Variants in SHOC2 observed in about 807,000 individuals in gnomAD.
SHOC2 encodes the protein SHOC2 leucine rich repeat scaffold protein.
A neutral mutation model predicts 50.2 loss-of-function variants in SHOC2; 4 were observed. That is an observed-to-expected ratio of 0.08 (90% CI 0.04 to 0.18). The LOEUF is 0.18. SHOC2 is among the 10% of genes least tolerant of loss of function. The pLI, the probability that SHOC2 is intolerant of heterozygous loss-of-function variation, is 1.00. For synonymous variants in SHOC2, 218 were observed against 244.5 expected, an observed-to-expected ratio of 0.89 and a Z score of 1.01; for missense variants, 388 against 669.6, an observed-to-expected ratio of 0.58 and a Z score of 4.64.
At chr10:111,000,690 C>G (rs1231299301) in intron 4 of SHOC2, 145 bp downstream of exon 4, 5 of 709,460 alleles carry the variant, frequency 7.0e-6, no homozygotes, top group Admixed American at 6.7e-5. Flanking sequence ...ACCACCACCG[C>G]TGAAGTAACT....
chr10:110,967,820 T>C (rs780793570), intron 2 of SHOC2, among the ~76,000 whole-genome samples: 1 of 152,226 alleles, frequency 6.6e-6, no homozygotes, highest in Non-Finnish European at 1.5e-5. Context: ...TTTTTATTGC[T>C]GAATAATATT....
chr10:111,001,094 T>C (rs1021277169), intron 4 of SHOC2, among the ~76,000 whole-genome samples: 1 of 151,814 alleles, frequency 6.6e-6, no homozygotes, highest in African/African-American at 2.4e-5. Context: ...TAGGTTTTGT[T>C]GATTCTATTA....
intron 8 of SHOC2, 43 bp from the exon 9 acceptor site, chr10:111,011,567 A>G: frequency 7.1e-7 from 1 of 1,416,696 alleles, no homozygotes; most frequent in Non-Finnish European, 9.9e-7. Flanking sequence ...CTTTTAAAAT[A>G]GCAACTAATT....
At chr10:110,943,466 T>G (rs1847189925) in intron 1 of SHOC2, among the ~76,000 whole-genome samples, 1 of 152,218 alleles carries the variant, frequency 6.6e-6, no homozygotes, top group African/African-American at 2.4e-5. Context: ...GGTGAGACAT[T>G]GTCCTTATAC....
chr10:110,970,780 A>G (rs1340635851), intron 2 of SHOC2, among the ~76,000 whole-genome samples: 1 of 148,696 alleles, frequency 6.7e-6, no homozygotes, highest in Non-Finnish European at 1.5e-5. Context: ...TAGGGTTGAG[A>G]TACCTTCTCA....
chr10:111,000,364 G>C, intron 3 of SHOC2, 51 bp from the exon 4 acceptor site: 1 of 1,585,506 alleles, frequency 6.3e-7, no homozygotes, highest in Middle Eastern at 1.7e-4. Context: ...ACAGTGAGAG[G>C]CTCATCAGAT....
At chr10:110,951,851 T>G (rs372620446) in intron 1 of SHOC2, 1 of 152,208 alleles carries the variant, frequency 6.6e-6, no homozygotes, top group East Asian at 1.9e-4. Flanking sequence ...AGAGGTGGGA[T>G]TTCACCATGT....
Position 110,964,239 on chromosome 10 carries a change from T to C in SHOC2, c.-120T>C. 6.8e-7 allele frequency: 1 copy of C among 1,466,906 alleles called. No individual in the cohort carries two copies. The highest frequency in any genetic ancestry group is 1.3e-5 in the South Asian group (1 of 77,326). 90.9% of individuals were successfully genotyped at this position (1,466,906 alleles called of 1,614,324 possible). A position where few individuals can be genotyped will look rare whatever the true frequency, so the allele number is the denominator to read the frequency against. ...GTAACAGATGGATGTTACTCCATGC[T>C]GATTACTTCTTCAAGCCAGTACTTT... On this transcript the variant is annotated 5_prime_UTR_variant, in exon 2 of 9. The change abolishes the stop of an existing upstream ORF in the 5' untranslated region. Coordinates refer to ENST00000369452, the MANE Select transcript of SHOC2 (RefSeq NM_007373.4). The surrounding 1 kb of genome is among the most constrained non-coding windows in gnomAD (Gnocchi z 4.9).
intron 1 of SHOC2, among the ~76,000 whole-genome samples, chr10:110,935,821 C>T (rs547517672): frequency 6.6e-6 from 1 of 152,214 alleles, no homozygotes; most frequent in African/African-American, 2.4e-5. Context: ...TTTACTCTCT[C>T]ACGTTTTGTT....
chr10:110,921,697 T>C lies in SHOC2; in HGVS notation c.-235+2040T>C, dbSNP rs182909479. The stretch of plus-strand genomic sequence containing the variant: ...TGATACAAATATCCAATTATACTCT[T>C]AGTTATTTTAAAATGTGCAATTAAA... On this transcript the variant is annotated intron_variant, in intron 1 of 8. Coordinates refer to ENST00000369452, the MANE Select transcript of SHOC2 (RefSeq NM_007373.4). Among the ~76,000 whole-genome samples, 648 of 152,294 alleles carry C rather than the reference T, an allele frequency of 4.3e-3. 2 individuals are homozygous for C. Among genetic ancestry groups the C allele is most frequent in the Admixed American group, 6.7e-3 (102 of 15,296 alleles).
At chr10:110,949,560 G>A (rs1564708978) in intron 1 of SHOC2, among the ~76,000 whole-genome samples, 1 of 151,854 alleles carries the variant, frequency 6.6e-6, no homozygotes, top group Non-Finnish European at 1.5e-5. Context: ...TTAGAGGAGG[G>A]AATACTTCCA....
intron 1 of SHOC2, among the ~76,000 whole-genome samples, chr10:110,938,488 AAT>A (rs1318722733): frequency 1.3e-5 from 2 of 152,152 alleles, no homozygotes; most frequent in Non-Finnish European, 2.9e-5. Flanking sequence ...AAATTTGATC[AAT>A]GTTTTAATTT....
rs577196722 is a variant in SHOC2, at chr10:110,955,447, TC to T, written c.-234-8677del. On this transcript the variant is annotated intron_variant, in intron 1 of 8. Coordinates refer to ENST00000369452, the MANE Select transcript of SHOC2 (RefSeq NM_007373.4). ...ATAAAGATCTGATTTTGGAAGGAAA[TC>T]AAGTTTGATGCAAATGAGGTAGGTT... Among the ~76,000 whole-genome samples the T allele has an allele frequency of 2.7e-3, 404 of 152,302 alleles. 2 individuals are homozygous for T. Among genetic ancestry groups the T allele is most frequent in the Middle Eastern group, 3.4e-3 (1 of 294 alleles).
At chr10:110,994,573 T>G (rs981438300) in intron 3 of SHOC2, among the ~76,000 whole-genome samples, 3 of 152,186 alleles carry the variant, frequency 2.0e-5, no homozygotes, top group Admixed American at 6.5e-5. Flanking sequence ...TTAAATAGAA[T>G]GAGGTATATC....
chr10:111,008,999 T>G (rs1207429687), intron 6 of SHOC2, among the ~76,000 whole-genome samples: 1 of 152,178 alleles, frequency 6.6e-6, no homozygotes, highest in African/African-American at 2.4e-5. Flanking sequence ...TTTTTGAAAT[T>G]TCATTAAAAT....
chr10:110,953,996 T>C (rs1043103036), intron 1 of SHOC2, among the ~76,000 whole-genome samples: 1 of 151,268 alleles, frequency 6.6e-6, no homozygotes, highest in African/African-American at 2.4e-5. Context: ...ACTGATTTAG[T>C]TTTTGTTGAC....
chr10:110,941,077 A>G lies in SHOC2; in HGVS notation c.-235+21420A>G, dbSNP rs190667382. On this transcript the variant is annotated intron_variant, in intron 1 of 8. Transcript: ENST00000369452. Reference sequence around the variant, plus strand: ...CTCCCAAGTAGCTGAGACAACAGGTACATGCCACCATACCCAACTAATTTT... The same window carrying G: ...CTCCCAAGTAGCTGAGACAACAGGTGCATGCCACCATACCCAACTAATTTT... 2.0e-3 allele frequency among the ~76,000 whole-genome samples: 305 copies of G among 152,006 alleles called. 1 individual carries two copies. Among genetic ancestry groups the G allele is most frequent in the African/African-American group, 7.1e-3 (295 of 41,462 alleles).
intron 1 of SHOC2, among the ~76,000 whole-genome samples, chr10:110,953,959 A>G (rs1847408606): frequency 6.6e-6 from 1 of 150,948 alleles, no homozygotes; most frequent in South Asian, 2.1e-4. Flanking sequence ...GGTTTATTTT[A>G]TTTTCTAATT....
In SHOC2 at chr10:111,012,303, CAG is replaced by C. The variant is rs1288991319; in HGVS notation, c.*488_*489del. On this transcript the variant is annotated 3_prime_UTR_variant, in exon 9 of 9. Coordinates refer to ENST00000369452, the MANE Select transcript of SHOC2 (RefSeq NM_007373.4). Reference sequence around the variant, plus strand: ...TTAAATTTTATGTATTGTTTACAGTCAGAGTAAATCACTGGATTTCTTTTGTT... The same window carrying C: ...TTAAATTTTATGTATTGTTTACAGTCAGTAAATCACTGGATTTCTTTTGTT... 6.1e-6 allele frequency: 1 copy of C among 164,030 alleles called. No homozygotes were observed. The highest frequency in any genetic ancestry group is 1.3e-5 in the Non-Finnish European group (1 of 75,304). The allele number at this position is 164,030 out of a possible 1,614,324, so 10.2% of individuals were successfully genotyped here.
Sources: allele counts gnomAD v4.1 joint callset (sites outside exome capture counted in the v4.1 genomes callset), GRCh38; gene constraint gnomAD v4.1.1; non-coding constraint Gnocchi (gnomAD v3.1); transcripts MANE v1.5; gene names NCBI Gene and HGNC (gene_info 2026-07-23, HGNC 2026-07-21).